The following KDM4D variants were observed in gnomAD, a reference collection of about 807,000 sequenced individuals.
KDM4D encodes lysine-specific demethylase 4D.
For synonymous variants in KDM4D, 254 were observed against 249.1 expected (o/e 1.02, Z -0.19); for missense variants, 427 against 674.8 (o/e 0.63, Z 4.07).
chr11:94,997,284 A>T lies in KDM4D; in HGVS notation c.-89A>T. The T allele has an allele frequency of 1.9e-6, 2 of 1,026,656 alleles. No homozygotes were observed. Among genetic ancestry groups the T allele is most frequent in the Non-Finnish European group, 2.8e-6 (2 of 719,400 alleles). 63.6% of individuals were successfully genotyped at this position (1,026,656 alleles called of 1,614,324 possible). On this transcript the variant is annotated 5_prime_UTR_variant, in exon 3 of 3. Coordinates refer to ENST00000335080, the MANE Select transcript of KDM4D (RefSeq NM_018039.3). ...TAGATCCTGCTACCTCATAGATAAC[A>T]CCAGTCAAATTTTTTTTTAAAGTAG...
chr11:94,983,631 G>C (rs1180844114), intron 2 of KDM4D, among the ~76,000 whole-genome samples: 1 of 151,982 alleles, frequency 6.6e-6, no homozygotes, highest in African/African-American at 2.4e-5. Context: ...ATCGGCAAAA[G>C]GTATAACTGG....
At chr11:94,992,259 G>A (rs1857941115) in intron 2 of KDM4D, among the ~76,000 whole-genome samples, 1 of 148,170 alleles carries the variant, frequency 6.7e-6, no homozygotes, top group Admixed American at 6.7e-5. Context: ...CAAGTTAAAT[G>A]ACAAACTGGC....
At chr11:94,977,518 C>T (rs1431427345) in intron 2 of KDM4D, among the ~76,000 whole-genome samples, 2 of 152,126 alleles carry the variant, frequency 1.3e-5, no homozygotes, top group Non-Finnish European at 2.9e-5. Flanking sequence ...GCTATTCTTT[C>T]CTGTCTTACT....
intron 2 of KDM4D, among the ~76,000 whole-genome samples, chr11:94,978,740 A>G (rs1555097260): frequency 1.3e-5 from 2 of 152,250 alleles, no homozygotes; most frequent in African/African-American, 4.8e-5. Flanking sequence ...ATAGAAAAAG[A>G]CATGCCAGGC....
intron 2 of KDM4D, among the ~76,000 whole-genome samples, chr11:94,994,102 A>G (rs4753158): frequency 0.91 from 138,898 of 152,124 alleles, 63,708 homozygotes; most frequent in Non-Finnish European, 0.96. Context: ...GATAAAGAGA[A>G]CACACCCTGG....
At chr11:94,982,359 C>T (rs782764904) in intron 2 of KDM4D, among the ~76,000 whole-genome samples, 2 of 151,694 alleles carry the variant, frequency 1.3e-5, no homozygotes, top group East Asian at 3.9e-4. Context: ...TGCCTGTCAT[C>T]CTTGGGTCTC....
At chr11:94,974,920 A>G (rs746239683) in intron 1 of KDM4D, among the ~76,000 whole-genome samples, 1 of 152,226 alleles carries the variant, frequency 6.6e-6, no homozygotes, top group Non-Finnish European at 1.5e-5. Context: ...TTTAAAATTA[A>G]TAAAATGGTG....
rs961307100 is a variant in KDM4D, at chr11:94,973,856, C to T, written c.-657C>T. Reference sequence around the variant, plus strand: ...CCGGTACTGCGTGGACGGAAAGCCCCGGGTAGCCGACACCACGTCCCCGGC... The same window carrying T: ...CCGGTACTGCGTGGACGGAAAGCCCTGGGTAGCCGACACCACGTCCCCGGC... On this transcript the variant is annotated 5_prime_UTR_variant, in exon 1 of 3. Coordinates refer to ENST00000335080, the MANE Select transcript of KDM4D (RefSeq NM_018039.3). The T allele has an allele frequency of 6.6e-6, 1 of 152,300 alleles. No homozygotes were observed. The highest frequency in any genetic ancestry group is 6.5e-5 in the Admixed American group (1 of 15,290). 9.4% of individuals were successfully genotyped at this position (152,300 alleles called of 1,614,324 possible). A position where few individuals can be genotyped will look rare whatever the true frequency, so the allele number is the denominator to read the frequency against.
Position 94,998,933 on chromosome 11 carries a change from CCT to C in KDM4D, c.1562_1563del (p.Pro521ArgfsTer17), listed in dbSNP as rs1858003647. The stretch of plus-strand genomic sequence containing the variant: ...CAAGGCTTCTGGGTGCAGCTGGGCC[CCT>C]GTGCCCTAAGTCCACGGGCTGTCTT... ...PVKASGCSWA[P>X]VP is the part of the protein sequence containing the mutation. On this transcript the variant is annotated frameshift_variant, in exon 3 of 3. Coordinates refer to ENST00000335080, the MANE Select transcript of KDM4D (RefSeq NM_018039.3). LOFTEE classifies it high-confidence loss of function. The surrounding 1 kb of genome is among the most constrained non-coding windows in gnomAD (Gnocchi z 6.7). 6.6e-7 allele frequency: 1 copy of C among 1,509,462 alleles called. No homozygotes were observed. The highest frequency in any genetic ancestry group is 2.3e-5 in the Admixed American group (1 of 43,934). The allele number at this position is 1,509,462 out of a possible 1,614,324, so 93.5% of individuals were successfully genotyped here.
intron 2 of KDM4D, among the ~76,000 whole-genome samples, chr11:94,980,245 A>G (rs1857832534): frequency 1.3e-5 from 2 of 152,132 alleles, no homozygotes; most frequent in African/African-American, 4.8e-5. Flanking sequence ...TGATATTCTC[A>G]GGTATTATCT....
intron 2 of KDM4D, among the ~76,000 whole-genome samples, chr11:94,976,488 G>A (rs1049710502): frequency 2.6e-5 from 4 of 152,114 alleles, no homozygotes; most frequent in Non-Finnish European, 4.4e-5. Context: ...CTGGAGATGA[G>A]GTGACCCACA....
chr11:94,984,648 G>T (rs1393445789), intron 2 of KDM4D, among the ~76,000 whole-genome samples: 3 of 149,854 alleles, frequency 2.0e-5, no homozygotes, highest in Non-Finnish European at 3.0e-5. Flanking sequence ...CTGAGGTCAG[G>T]AGTTCGAGAC....
At chr11:94,993,304 T>C (rs2134115304) in intron 2 of KDM4D, among the ~76,000 whole-genome samples, 1 of 152,324 alleles carries the variant, frequency 6.6e-6, no homozygotes, top group South Asian at 2.1e-4. Context: ...GATGACGAAT[T>C]CTGCCTTATT....
Position 94,997,264 on chromosome 11 carries a change from C to T in KDM4D, c.-109C>T. 5 of 760,540 alleles carry T rather than the reference C, an allele frequency of 6.6e-6. No individual in the cohort carries two copies. The Admixed American group carries it at 1.4e-4, about 21-fold the overall frequency. The allele number at this position is 760,540 out of a possible 1,614,324, so 47.1% of individuals were successfully genotyped here. On this transcript the variant is annotated 5_prime_UTR_variant, in exon 3 of 3. Transcript: ENST00000335080. ...CAAAAAAAAAAGTACGCTGGTAGAT[C>T]CTGCTACCTCATAGATAACACCAGT...
At chr11:94,995,494 T>C (rs1857968383) in intron 2 of KDM4D, among the ~76,000 whole-genome samples, 1 of 152,196 alleles carries the variant, frequency 6.6e-6, no homozygotes, top group South Asian at 2.1e-4. Context: ...CAAGTTCATC[T>C]ACTTGGGAAG....
chr11:94,993,880 ATATTT>A (rs1193597406), intron 2 of KDM4D, among the ~76,000 whole-genome samples: 1 of 152,064 alleles, frequency 6.6e-6, no homozygotes, highest in Non-Finnish European at 1.5e-5. Context: ...AAAGAATGAA[ATATTT>A]TATTTTATAT....
Position 94,997,376 on chromosome 11 carries a change from G to A in KDM4D, c.4G>A (p.Glu2Lys). The A allele has an allele frequency of 6.3e-7, 1 of 1,590,092 alleles. No individual in the cohort carries two copies. Among genetic ancestry groups the A allele is most frequent in the Non-Finnish European group, 8.5e-7 (1 of 1,170,528 alleles). Residue 2 changes from glutamate to lysine, a missense_variant, in exon 3 of 3, where the codon GAA (glutamate) becomes AAA (lysine). Transcript: ENST00000335080. ...CTAAGAGTTTACTGCTTATTAAATGGAAACTATGAAGTCTAAGGCCAACTG... is the reference window on the plus strand; with the variant it reads ...CTAAGAGTTTACTGCTTATTAAATGAAAACTATGAAGTCTAAGGCCAACTG... M[E>K]TMKSKANCAQ... is the part of the protein sequence containing the mutation.
chr11:94,995,272 T>C (rs1465831080), intron 2 of KDM4D, among the ~76,000 whole-genome samples: 2 of 152,186 alleles, frequency 1.3e-5, no homozygotes, highest in East Asian at 1.9e-4. Context: ...CTTCATAAAA[T>C]TGGGATAATG....
intron 2 of KDM4D, among the ~76,000 whole-genome samples, chr11:94,981,976 C>T (rs1857846270): frequency 6.6e-6 from 1 of 150,924 alleles, no homozygotes; most frequent in African/African-American, 2.4e-5. Flanking sequence ...ATAAATTTCC[C>T]TTTTAATGCT....
Sources: allele counts gnomAD v4.1 joint callset (sites outside exome capture counted in the v4.1 genomes callset), GRCh38; gene constraint gnomAD v4.1.1; non-coding constraint Gnocchi (gnomAD v3.1); transcripts MANE v1.5; gene names NCBI Gene and HGNC (gene_info 2026-07-23, HGNC 2026-07-21).